NRP2: variants seen among roughly 807,000 people sequenced by gnomAD.
NRP2 encodes neuropilin-2.
Under a neutral mutation model 110.4 loss-of-function variants are expected in NRP2, and 52 were observed. The observed-to-expected ratio is 0.47, with a 90% CI of 0.38 to 0.59. NRP2 has a LOEUF of 0.59. NRP2 is among the 20% of genes least tolerant of loss of function. NRP2 has a pLI of 0.00. For missense variants in NRP2, 1,049 were observed against 1,203.0 expected, an observed-to-expected ratio of 0.87 and a Z score of 1.89; for synonymous variants, 508 against 468.9, an observed-to-expected ratio of 1.08 and a Z score of -1.08.
chr2:205,719,177 G>A (rs188372845), intron 3 of NRP2, among the ~76,000 whole-genome samples: 47 of 152,218 alleles, frequency 3.1e-4, no homozygotes, highest in Non-Finnish European at 3.7e-4. Context: ...TTTGCTAGTC[G>A]GATTCATAGA....
chr2:205,693,665 A>G (rs564430189), intron 1 of NRP2, among the ~76,000 whole-genome samples: 1 of 152,346 alleles, frequency 6.6e-6, no homozygotes, highest in African/African-American at 2.4e-5. Flanking sequence ...GCCATCTCCC[A>G]TCTTTCTGCT....
intron 1 of NRP2, among the ~76,000 whole-genome samples, chr2:205,689,598 A>G (rs1311841153): frequency 6.6e-6 from 1 of 152,118 alleles, no homozygotes; most frequent in Non-Finnish European, 1.5e-5. Context: ...GCACCATATT[A>G]TCTCTCGCCA....
At position 205,682,622 on chromosome 2, in the gene NRP2, C is replaced by G. The variant is rs902596076; in HGVS notation, c.-669C>G. ...GAACTCGGAGAGGGGCTCGCTCACT[C>G]CCAGGCGATCCCAGCCGCCACCGCC... On this transcript the variant is annotated 5_prime_UTR_variant, in exon 1 of 17. Transcript: ENST00000357785. The surrounding 1 kb of genome is among the most constrained non-coding windows in gnomAD (Gnocchi z 4.3). The G allele has an allele frequency of 5.4e-5, 9 of 165,468 alleles. No homozygotes were observed. Among genetic ancestry groups the G allele is most frequent in the African/African-American group, 1.9e-4 (8 of 41,632 alleles). The allele number at this position is 165,468 out of a possible 1,614,324, so 10.2% of individuals were successfully genotyped here.
intron 2 of NRP2, among the ~76,000 whole-genome samples, chr2:205,711,512 T>C (rs778124332): frequency 6.6e-6 from 1 of 152,004 alleles, no homozygotes. Flanking sequence ...AAAGCACCAA[T>C]GAGGAGTACT....
intron 15 of NRP2, among the ~76,000 whole-genome samples, chr2:205,780,060 G>A (rs1266332816): frequency 1.3e-5 from 2 of 152,188 alleles, no homozygotes. Flanking sequence ...GGCTCCGGGA[G>A]AGTGGTACCA....
intron 7 of NRP2, among the ~76,000 whole-genome samples, chr2:205,734,187 T>TATAC (rs2057297365): frequency 6.8e-6 from 1 of 147,142 alleles, no homozygotes. Flanking sequence ...TATATATATA[T>TATAC]ACATATATCT....
At chr2:205,689,991 A>T (rs1188622830) in intron 1 of NRP2, among the ~76,000 whole-genome samples, 1 of 152,210 alleles carries the variant, frequency 6.6e-6, no homozygotes, top group Non-Finnish European at 1.5e-5. Context: ...GCTGGGAATA[A>T]CAAAAGAGAA....
intron 15 of NRP2, chr2:205,779,169 T>C (rs1271151799): frequency 6.6e-6 from 1 of 152,246 alleles, no homozygotes; most frequent in Non-Finnish European, 1.5e-5. Context: ...GTGAATGAGT[T>C]GAAGGCCTAG....
chr2:205,714,972 A>C (rs2056866121), intron 2 of NRP2, among the ~76,000 whole-genome samples: 2 of 152,190 alleles, frequency 1.3e-5, no homozygotes, highest in African/African-American at 4.8e-5. Flanking sequence ...AGAAGGGTGC[A>C]TTCCCAGCCC....
At chr2:205,792,377 C>A in intron 16 of NRP2, 92 bp downstream of exon 16, 5 of 878,716 alleles carry the variant, frequency 5.7e-6, no homozygotes, top group Middle Eastern at 2.6e-4. Context: ...ATCGGAGGGC[C>A]CAAATCTAGA....
At chr2:205,774,301 T>C (rs906968755) in intron 15 of NRP2, among the ~76,000 whole-genome samples, 1 of 151,730 alleles carries the variant, frequency 6.6e-6, no homozygotes, top group African/African-American at 2.4e-5. Context: ...GCCACAAATA[T>C]GAGAGAGAGA....
rs578066326 is a variant in NRP2, at chr2:205,788,311, T to C, written c.2426-3924T>C. ...TTAAGCAGTAGCTACTGTGCCCACT[T>C]GATTACTCAAGCTCTGTAAAACCCC... is the stretch of plus-strand genomic sequence containing the variant. On this transcript the variant is annotated intron_variant, in intron 15 of 16. Coordinates refer to ENST00000357785, the MANE Select transcript of NRP2 (RefSeq NM_003872.3). Among the ~76,000 whole-genome samples, 3 of 152,318 alleles carry C rather than the reference T, an allele frequency of 2.0e-5. No homozygotes were observed. In the East Asian group the frequency reaches 5.8e-4, roughly 29 times the overall value.
intron 12 of NRP2, among the ~76,000 whole-genome samples, chr2:205,757,203 G>A (rs2057748073): frequency 6.6e-6 from 1 of 152,196 alleles, no homozygotes; most frequent in African/African-American, 2.4e-5. Flanking sequence ...CAAAGCCTAT[G>A]GGATTGAGGG....
intron 2 of NRP2, among the ~76,000 whole-genome samples, chr2:205,702,953 T>G (rs925366667): frequency 6.6e-6 from 1 of 152,218 alleles, no homozygotes; most frequent in Admixed American, 6.5e-5. Context: ...CCCAGAGCAC[T>G]TGATGTTGCC....
intron 11 of NRP2, among the ~76,000 whole-genome samples, chr2:205,751,183 G>A (rs1304985935): frequency 6.6e-6 from 1 of 152,140 alleles, no homozygotes; most frequent in Non-Finnish European, 1.5e-5. Flanking sequence ...TAGCTTGTTG[G>A]GGGACCTGGA....
chr2:205,789,753 G>A (rs1460459105), intron 15 of NRP2, among the ~76,000 whole-genome samples: 1 of 152,194 alleles, frequency 6.6e-6, no homozygotes, highest in East Asian at 1.9e-4. Context: ...GGGACCTAAT[G>A]AGAGAACCAC....
intron 2 of NRP2, among the ~76,000 whole-genome samples, chr2:205,706,266 T>C (rs558216685): frequency 6.6e-6 from 1 of 151,198 alleles, no homozygotes; most frequent in African/African-American, 2.4e-5. Context: ...GAGCGAGACA[T>C]GTAAACAGTC....
chr2:205,757,189 T>C (rs891614451), intron 12 of NRP2, among the ~76,000 whole-genome samples: 1 of 152,326 alleles, frequency 6.6e-6, no homozygotes, highest in African/African-American at 2.4e-5. Context: ...TTTGACTGCC[T>C]GGTCAAAGCC....
In NRP2 at chr2:205,725,560, C is replaced by T. The variant is rs1242129336; in HGVS notation, c.821-353C>T. ...ACGATGTATGAGCTCACCCAAATCG[C>T]CACGAGTCTATCTCACATTTACCTG... On this transcript the variant is annotated intron_variant, in intron 5 of 16. Transcript: ENST00000357785. This position sits in a 1 kb window ranked among gnomAD's most constrained non-coding sequence, Gnocchi z 4.1. Among the ~76,000 whole-genome samples, 1 of 152,226 alleles carries T rather than the reference C, an allele frequency of 6.6e-6. No homozygotes were observed. Among genetic ancestry groups the T allele is most frequent in the Non-Finnish European group, 1.5e-5 (1 of 68,034 alleles).
Sources: allele counts gnomAD v4.1 joint callset (sites outside exome capture counted in the v4.1 genomes callset), GRCh38; gene constraint gnomAD v4.1.1; non-coding constraint Gnocchi (gnomAD v3.1); transcripts MANE v1.5; gene names NCBI Gene and HGNC (gene_info 2026-07-23, HGNC 2026-07-21).